PDGFD: variants seen among roughly 807,000 people sequenced by gnomAD.
The protein encoded by PDGFD is platelet-derived growth factor D.
In PDGFD, 30 loss-of-function variants were observed where a neutral mutation model predicts 44.7. The ratio of observed to expected loss-of-function variants is 0.67; its 90% CI spans 0.50 to 0.91. The LOEUF is 0.91. Among genes scored for constraint, PDGFD ranks in the 40% least tolerant of loss-of-function variants. The pLI, the probability that PDGFD is intolerant of heterozygous loss-of-function variation, is 0.00. For missense variants in PDGFD, 445 were observed against 457.8 expected (o/e 0.97, Z 0.25); for synonymous variants, 173 against 168.4 (o/e 1.03, Z -0.21).
At chr11:104,149,363 A>G (rs572067235) in intron 1 of PDGFD, among the ~76,000 whole-genome samples, 1 of 152,334 alleles carries the variant, frequency 6.6e-6, no homozygotes, top group South Asian at 2.1e-4. Context: ...CTAAATAAAG[A>G]CCAAAACAGT....
intron 1 of PDGFD, chr11:104,038,244 A>C: frequency 2.0e-6 from 1 of 497,530 alleles, no homozygotes; most frequent in Non-Finnish European, 3.7e-6. Flanking sequence ...AAGGCTCTGG[A>C]GGCTCCAGCT....
chr11:103,932,606 T>C (rs956078756), intron 5 of PDGFD, among the ~76,000 whole-genome samples: 1 of 152,218 alleles, frequency 6.6e-6, no homozygotes, highest in African/African-American at 2.4e-5. Flanking sequence ...TTGTCCCTAA[T>C]GTAAGGACCA....
chr11:103,939,596 T>C (rs1376627785), intron 5 of PDGFD, among the ~76,000 whole-genome samples: 1 of 152,134 alleles, frequency 6.6e-6, no homozygotes, highest in Non-Finnish European at 1.5e-5. Flanking sequence ...CAATGAATTG[T>C]AGTTTAGTTT....
At chr11:104,156,617 C>G (rs1259748375) in intron 1 of PDGFD, among the ~76,000 whole-genome samples, 1 of 152,140 alleles carries the variant, frequency 6.6e-6, no homozygotes, top group Non-Finnish European at 1.5e-5. Context: ...AACCACTAAA[C>G]TGCACACCCC....
intron 1 of PDGFD, among the ~76,000 whole-genome samples, chr11:104,100,078 CAAG>C (rs1861350985): frequency 6.6e-6 from 1 of 151,940 alleles, no homozygotes; most frequent in African/African-American, 2.4e-5. Context: ...TGATGCCTAA[CAAG>C]AAGGAATGGA....
intron 1 of PDGFD, among the ~76,000 whole-genome samples, chr11:104,145,850 G>A (rs529636867): frequency 6.6e-6 from 1 of 152,254 alleles, no homozygotes; most frequent in South Asian, 2.1e-4. Context: ...TAGGACACGT[G>A]TTCTTTTAAG....
chr11:104,085,461 C>T (rs1205219128), intron 1 of PDGFD, among the ~76,000 whole-genome samples: 1 of 152,140 alleles, frequency 6.6e-6, no homozygotes, highest in Non-Finnish European at 1.5e-5. Context: ...CATTCATTCA[C>T]TGAACGACAT....
intron 3 of PDGFD, among the ~76,000 whole-genome samples, chr11:103,974,848 G>C (rs949861837): frequency 6.6e-6 from 1 of 152,172 alleles, no homozygotes; most frequent in Non-Finnish European, 1.5e-5. Flanking sequence ...TGGCTGCATA[G>C]TACTCCATGG....
At chr11:104,104,136 T>C (rs1861437668) in intron 1 of PDGFD, among the ~76,000 whole-genome samples, 1 of 152,096 alleles carries the variant, frequency 6.6e-6, no homozygotes, top group Non-Finnish European at 1.5e-5. Flanking sequence ...AATTTAAAAA[T>C]AGAAATAAAG....
At chr11:104,028,820 T>G (rs1280988766) in intron 1 of PDGFD, among the ~76,000 whole-genome samples, 1 of 152,106 alleles carries the variant, frequency 6.6e-6, no homozygotes, top group East Asian at 1.9e-4. Flanking sequence ...AAACAGTTTT[T>G]TTAGAGTTGC....
In PDGFD at chr11:103,996,197, A is replaced by C. The variant is rs755501820; in HGVS notation, c.378T>G (p.Ile126Met). 1.2e-6 allele frequency: 2 copies of C among 1,613,272 alleles called. No individual in the cohort carries two copies. Among genetic ancestry groups the C allele is most frequent in the South Asian group, 2.2e-5 (2 of 90,984 alleles). The change falls in exon 3 of 7, where the codon ATT becomes ATG. Residue 126 changes from isoleucine (I) to methionine (M), a missense_variant. Transcript: ENST00000393158. The stretch of plus-strand genomic sequence containing the variant: ...CCTTGTGTCCACACCATCGTCCTCT[A>C]ATAATGGTACTGGTTTCGGATATAT... Reference protein sequence around the residue: ...VEDISETSTIIRGRWCGHKEV... With the variant: ...VEDISETSTIMRGRWCGHKEV...
chr11:103,925,791 C>T (rs924751067), intron 6 of PDGFD, among the ~76,000 whole-genome samples: 2 of 149,588 alleles, frequency 1.3e-5, no homozygotes, highest in Non-Finnish European at 3.0e-5. Context: ...TGCAATGGCG[C>T]GATCTCAGCT....
At chr11:104,113,069 T>C (rs1861583714) in intron 1 of PDGFD, among the ~76,000 whole-genome samples, 1 of 152,122 alleles carries the variant, frequency 6.6e-6, no homozygotes, top group South Asian at 2.1e-4. Flanking sequence ...CAAAAGAGGA[T>C]ATTATTAAGT....
At chr11:104,031,590 C>T (rs1860126753) in intron 1 of PDGFD, among the ~76,000 whole-genome samples, 1 of 151,948 alleles carries the variant, frequency 6.6e-6, no homozygotes, top group Admixed American at 6.6e-5. Context: ...TGTGGCGATT[C>T]CTCAAGGATC....
At chr11:104,119,687 AT>A (rs1861736996) in intron 1 of PDGFD, among the ~76,000 whole-genome samples, 1 of 96,992 alleles carries the variant, frequency 1.0e-5, no homozygotes, top group African/African-American at 4.4e-5. Flanking sequence ...ATATCGATAT[AT>A]AATATATAAT....
At chr11:104,124,366 G>A (rs1861815368) in intron 1 of PDGFD, among the ~76,000 whole-genome samples, 3 of 152,008 alleles carry the variant, frequency 2.0e-5, no homozygotes, top group Admixed American at 6.6e-5. Flanking sequence ...ACTGTGAACG[G>A]GCTGTATAAT....
chr11:104,053,200 C>T (rs1591140579), intron 1 of PDGFD, among the ~76,000 whole-genome samples: 1 of 152,210 alleles, frequency 6.6e-6, no homozygotes, highest in Admixed American at 6.5e-5. Context: ...GAAAAAAGGT[C>T]CTTTTTATAT....
At chr11:103,924,676 C>T (rs758660224) in intron 6 of PDGFD, among the ~76,000 whole-genome samples, 6 of 152,102 alleles carry the variant, frequency 3.9e-5, no homozygotes, top group Non-Finnish European at 7.4e-5. Context: ...TAACTTACTA[C>T]GATTTTTGTG....
chr11:103,984,985 A>G (rs1378168536), intron 3 of PDGFD, among the ~76,000 whole-genome samples: 5 of 106,784 alleles, frequency 4.7e-5, no homozygotes, highest in Non-Finnish European at 9.3e-5. Context: ...AATATATAAC[A>G]TATTAATTTA....
Sources: gnomAD v4.1 joint callset for allele counts (sites outside exome capture counted in the v4.1 genomes callset) on GRCh38, gnomAD v4.1.1 for gene constraint, MANE v1.5 for transcripts, NCBI Gene and HGNC (gene_info 2026-07-23, HGNC 2026-07-21) for gene names.